Variants in TOX observed in about 807,000 individuals in gnomAD.
TOX encodes the protein thymocyte selection associated high mobility group box, also known as thymocyte selection-associated high mobility group box protein TOX.
In TOX, 11 loss-of-function variants were observed where a neutral mutation model predicts 53.7. The observed-to-expected ratio is 0.20, with a 90% confidence interval of 0.13 to 0.34. The LOEUF (loss-of-function observed/expected upper bound fraction) is 0.34, where lower values mean the gene tolerates loss of function less well. TOX is among the 10% of genes least tolerant of loss of function. The probability of loss-of-function intolerance (pLI) is 1.00; values close to 1 mark genes in which losing one functional copy is unlikely to be tolerated. For synonymous variants in TOX, 225 were observed against 245.3 expected, an observed-to-expected ratio of 0.92 and a Z score of 0.77; for missense variants, 570 against 664.6, an observed-to-expected ratio of 0.86 and a Z score of 1.56.
At chr8:59,017,209 C>T (rs1023839155) in intron 1 of TOX, among the ~76,000 whole-genome samples, 1 of 152,200 alleles carries the variant, frequency 6.6e-6, no homozygotes, top group African/African-American at 2.4e-5. Context: ...TAAACATATG[C>T]TACTTATCAT....
intron 1 of TOX, among the ~76,000 whole-genome samples, chr8:59,026,960 A>G (rs1320954723): frequency 2.0e-5 from 3 of 151,446 alleles, no homozygotes; most frequent in Non-Finnish European, 4.4e-5. Flanking sequence ...GAGTGAGGGA[A>G]GCAATGGAGA....
intron 3 of TOX, among the ~76,000 whole-genome samples, chr8:58,915,664 C>T (rs1411413561): frequency 8.0e-5 from 12 of 149,620 alleles, no homozygotes; most frequent in Admixed American, 1.3e-4. Flanking sequence ...TCCAAAGGAA[C>T]GCAGTTCCTC....
rs1563413390 is a variant in TOX, at chr8:58,998,521, A to AAATT, written c.103-38514_103-38513insAATT. Reference sequence around the variant, plus strand: ...TATATATATATATATATATATATATATATATATATATATATATAAATTTAT... The same window carrying AAATT: ...TATATATATATATATATATATATATAAATTTATATATATATATATATAAATTTAT... On this transcript the variant is annotated intron_variant, in intron 1 of 8. Transcript: ENST00000361421. 8.0e-4 allele frequency among the ~76,000 whole-genome samples: 88 copies of AAATT among 109,758 alleles called. 2 individuals carry two copies. The highest frequency in any genetic ancestry group is 1.5e-3 in the South Asian group (5 of 3,410). The allele number at this position is 109,758 out of a possible 152,430, so 72.0% of individuals were successfully genotyped here.
At chr8:59,036,902 CT>C (rs1205169994) in intron 1 of TOX, among the ~76,000 whole-genome samples, 2 of 152,194 alleles carry the variant, frequency 1.3e-5, no homozygotes, top group African/African-American at 4.8e-5. Flanking sequence ...CCGTGTGTGT[CT>C]AATCCTTCCT....
chr8:58,951,966 C>T (rs541267018), intron 2 of TOX, among the ~76,000 whole-genome samples: 1 of 152,244 alleles, frequency 6.6e-6, no homozygotes, highest in South Asian at 2.1e-4. Flanking sequence ...TCAGAAAGAA[C>T]ACAGGAGAAA....
intron 3 of TOX, among the ~76,000 whole-genome samples, chr8:58,875,863 G>C (rs1811274404): frequency 6.6e-6 from 1 of 152,148 alleles, no homozygotes; most frequent in African/African-American, 2.4e-5. Flanking sequence ...CCTGAGGTCT[G>C]ACCATTCTGG....
intron 1 of TOX, among the ~76,000 whole-genome samples, chr8:59,073,487 G>C (rs749542299): frequency 2.6e-5 from 4 of 152,180 alleles, no homozygotes; most frequent in Non-Finnish European, 4.4e-5. Flanking sequence ...GTGAGTGTCT[G>C]AGGATCATGC....
chr8:58,880,052 T>C (rs1406151421), intron 3 of TOX, among the ~76,000 whole-genome samples: 13 of 152,216 alleles, frequency 8.5e-5, no homozygotes, highest in Admixed American at 5.2e-4. Flanking sequence ...CTAGATCCCA[T>C]AGGAAATCCA....
intron 1 of TOX, among the ~76,000 whole-genome samples, chr8:59,070,703 G>A (rs1804182654): frequency 6.6e-6 from 1 of 152,142 alleles, no homozygotes; most frequent in Non-Finnish European, 1.5e-5. Flanking sequence ...GGTACAGAGA[G>A]ATTTTTAGAT....
At chr8:58,826,291 T>C (rs1810365265) in intron 6 of TOX, among the ~76,000 whole-genome samples, 2 of 152,208 alleles carry the variant, frequency 1.3e-5, no homozygotes, top group African/African-American at 2.4e-5. Context: ...TTTAATAACA[T>C]GAAACCAATC....
At chr8:58,931,682 T>A (rs905944049) in intron 3 of TOX, among the ~76,000 whole-genome samples, 1 of 152,154 alleles carries the variant, frequency 6.6e-6, no homozygotes, top group African/African-American at 2.4e-5. Flanking sequence ...AAACCACATA[T>A]CTCAAATGGT....
chr8:59,090,388 A>G (rs764456647), intron 1 of TOX, among the ~76,000 whole-genome samples: 2 of 152,210 alleles, frequency 1.3e-5, no homozygotes, highest in Non-Finnish European at 2.9e-5. Context: ...CCAATGCAGG[A>G]TATGACCAAG....
chr8:59,052,399 T>G (rs1803807696), intron 1 of TOX, among the ~76,000 whole-genome samples: 1 of 152,208 alleles, frequency 6.6e-6, no homozygotes, highest in African/African-American at 2.4e-5. Flanking sequence ...TCACGTGTCA[T>G]GTGGAAATAA....
At chr8:58,987,703 G>T (rs1028639324) in intron 1 of TOX, among the ~76,000 whole-genome samples, 1 of 152,208 alleles carries the variant, frequency 6.6e-6, no homozygotes, top group Admixed American at 6.5e-5. Context: ...GCCAGATGAA[G>T]TAGTGCCTGG....
chr8:58,879,681 G>C (rs957457447), intron 3 of TOX, among the ~76,000 whole-genome samples: 1 of 152,108 alleles, frequency 6.6e-6, no homozygotes, highest in Non-Finnish European at 1.5e-5. Flanking sequence ...AAAAAATCGA[G>C]AGACTGGCTT....
chr8:58,931,764 A>T (rs10087733), intron 3 of TOX, among the ~76,000 whole-genome samples: 1,987 of 152,318 alleles, frequency 0.013, 58 homozygotes, highest in African/African-American at 0.046. Context: ...AGCATATTAT[A>T]TAACTGATGT....
intron 1 of TOX, among the ~76,000 whole-genome samples, chr8:59,013,741 A>G (rs1361416045): frequency 6.6e-6 from 1 of 152,238 alleles, no homozygotes; most frequent in Non-Finnish European, 1.5e-5. Context: ...ATCATTAATC[A>G]TAGGCTAAGC....
intron 1 of TOX, among the ~76,000 whole-genome samples, chr8:58,982,764 C>T (rs987007940): frequency 6.6e-6 from 1 of 152,166 alleles, no homozygotes; most frequent in African/African-American, 2.4e-5. Flanking sequence ...AAATAATGTC[C>T]TTAAGTTATA....
At chr8:59,115,883 G>A (rs1805091428) in intron 1 of TOX, among the ~76,000 whole-genome samples, 1 of 152,020 alleles carries the variant, frequency 6.6e-6, no homozygotes. Flanking sequence ...TCTTACAGTA[G>A]AGCAATACTA....
Sources: gnomAD v4.1 joint callset for allele counts (sites outside exome capture counted in the v4.1 genomes callset) on GRCh38, gnomAD v4.1.1 for gene constraint, MANE v1.5 for transcripts, NCBI Gene and HGNC (gene_info 2026-07-23, HGNC 2026-07-21) for gene names.